Variants in TNFRSF8 observed in about 807,000 individuals in gnomAD.
TNFRSF8 encodes the protein tumor necrosis factor receptor superfamily member 8.
A neutral mutation model predicts 70.8 loss-of-function variants in TNFRSF8; 26 were observed. That is an observed-to-expected ratio of 0.37 (90% CI 0.27 to 0.51). The LOEUF is 0.51. TNFRSF8 is among the 20% of genes least tolerant of loss of function. The pLI is 0.94. For synonymous variants in TNFRSF8, 356 were observed against 339.2 expected (o/e 1.05, Z -0.54); for missense variants, 720 against 807.9 (o/e 0.89, Z 1.32).
At chr1:12,094,058 C>CGAAA (rs1641289422) in intron 2 of TNFRSF8, among the ~76,000 whole-genome samples, 1 of 84,680 alleles carries the variant, frequency 1.2e-5, no homozygotes, top group African/African-American at 4.8e-5. Context: ...GACTTTGTCT[C>CGAAA]AAAAAAAAAA....
intron 14 of TNFRSF8, among the ~76,000 whole-genome samples, chr1:12,139,625 G>A (rs150518329): frequency 9.8e-4 from 149 of 152,300 alleles, no homozygotes; most frequent in African/African-American, 3.2e-3. Flanking sequence ...CACCTCTGTC[G>A]CTTCTGGAAG....
At chr1:12,098,399 T>A (rs1447096140) in intron 3 of TNFRSF8, among the ~76,000 whole-genome samples, 1 of 152,130 alleles carries the variant, frequency 6.6e-6, no homozygotes, top group Non-Finnish European at 1.5e-5. Context: ...AAACAAACAT[T>A]GCCCTCCCCA....
intron 1 of TNFRSF8, among the ~76,000 whole-genome samples, chr1:12,082,653 C>T (rs569389719): frequency 6.6e-6 from 1 of 151,810 alleles, no homozygotes; most frequent in African/African-American, 2.4e-5. Flanking sequence ...ACCCCTACTT[C>T]ACACCATGTA....
chr1:12,065,119 T>C (rs1437418917), intron 1 of TNFRSF8, among the ~76,000 whole-genome samples: 4 of 145,664 alleles, frequency 2.7e-5, no homozygotes, highest in Non-Finnish European at 6.0e-5. Flanking sequence ...GTCTCACTCT[T>C]GTTGCCCATG....
chr1:12,124,829 CAAACA>C (rs201195847), intron 10 of TNFRSF8, among the ~76,000 whole-genome samples: 18,140 of 145,916 alleles, frequency 0.12, 1,205 homozygotes, highest in Middle Eastern at 0.21. Context: ...GAATCAGTCT[CAAACA>C]AAACAAAACA....
In TNFRSF8 at chr1:12,126,149, G is replaced by T. The variant is rs757885409; in HGVS notation, c.1256-34G>T. ...CTGCCTGCTCCTGCTCTCTGAGGCC[G>T]CCACCCCCAGCCTTCCTCCTGGTGT... On this transcript the variant is annotated intron_variant, in intron 11 of 14. Coordinates refer to ENST00000263932, the MANE Select transcript of TNFRSF8 (RefSeq NM_001243.5). The T allele has an allele frequency of 1.7e-5, 27 of 1,613,832 alleles. 1 individual carries two copies. The highest frequency in any genetic ancestry group is 2.0e-5 in the Non-Finnish European group (24 of 1,179,928).
intron 7 of TNFRSF8, among the ~76,000 whole-genome samples, chr1:12,114,645 A>G (rs1321386172): frequency 6.6e-6 from 1 of 151,816 alleles, no homozygotes; most frequent in African/African-American, 2.4e-5. Flanking sequence ...CACTTATTAA[A>G]AATAATACCT....
intron 1 of TNFRSF8, among the ~76,000 whole-genome samples, chr1:12,071,474 C>G (rs1293624830): frequency 6.6e-6 from 1 of 152,200 alleles, no homozygotes. Flanking sequence ...GGCAGCAGAG[C>G]TATTTTTCTT....
chr1:12,114,901 G>C (rs2101012580), intron 7 of TNFRSF8, among the ~76,000 whole-genome samples: 1 of 151,836 alleles, frequency 6.6e-6, no homozygotes, highest in Admixed American at 6.6e-5. Context: ...TAGAGACGGG[G>C]TTTCACCATG....
chr1:12,118,537 G>A (rs1163660865), intron 8 of TNFRSF8, among the ~76,000 whole-genome samples: 1 of 152,230 alleles, frequency 6.6e-6, no homozygotes, highest in East Asian at 1.9e-4. Context: ...ATAAATCCAG[G>A]AATAGAAGAG....
At chr1:12,111,807 A>G (rs1020191534) in intron 6 of TNFRSF8, 91 bp from the exon 7 acceptor site, 1 of 1,028,094 alleles carries the variant, frequency 9.7e-7, no homozygotes, top group Non-Finnish European at 1.5e-6. Context: ...GGAGCTGGCC[A>G]CGGTGAGGGA....
At chr1:12,125,661 C>G (rs924386268) in intron 10 of TNFRSF8, among the ~76,000 whole-genome samples, 1 of 152,216 alleles carries the variant, frequency 6.6e-6, no homozygotes, top group Non-Finnish European at 1.5e-5. Context: ...GTCCACAGTC[C>G]CCAAATTTTG....
At chr1:12,100,553 A>G (rs975086040) in intron 3 of TNFRSF8, among the ~76,000 whole-genome samples, 1 of 152,000 alleles carries the variant, frequency 6.6e-6, no homozygotes, top group African/African-American at 2.4e-5. Flanking sequence ...AAATTTTATT[A>G]TTTTATTATT....
intron 8 of TNFRSF8, among the ~76,000 whole-genome samples, chr1:12,115,934 A>AGATTCTGT (rs1641720980): frequency 6.6e-6 from 1 of 152,108 alleles, no homozygotes; most frequent in Admixed American, 6.5e-5. Flanking sequence ...TTTTGGCAAG[A>AGATTCTGT]GATTCTGTTG....
intron 12 of TNFRSF8, among the ~76,000 whole-genome samples, chr1:12,128,834 T>TC (rs1641993353): frequency 8.1e-5 from 1 of 12,310 alleles, no homozygotes; most frequent in South Asian, 1.4e-3. Context: ...TCTAAAATTC[T>TC]TTTTTTTTTT....
At chr1:12,135,485 A>G (rs1298998420) in intron 12 of TNFRSF8, 103 bp from the exon 13 acceptor site, 18 of 1,404,780 alleles carry the variant, frequency 1.3e-5, no homozygotes, top group African/African-American at 5.9e-5. Flanking sequence ...GGCTGAGTTC[A>G]GCACCACCTG....
Position 12,063,350 on chromosome 1 carries a change from T to A in TNFRSF8, c.-249T>A. The A allele has an allele frequency of 2.6e-6, 1 of 386,640 alleles. No individual in the cohort carries two copies. The highest frequency in any genetic ancestry group is 4.6e-6 in the Non-Finnish European group (1 of 218,780). The allele number at this position is 386,640 out of a possible 1,614,324, so 24.0% of individuals were successfully genotyped here. On this transcript the variant is annotated 5_prime_UTR_variant, in exon 1 of 15. Transcript: ENST00000263932. The surrounding 1 kb of genome is among the most constrained non-coding windows in gnomAD (Gnocchi z 7.2). Reference sequence around the variant, plus strand: ...TGCCCCCTTTTTTCTTCGCTGCTTGTAGCTAAGTGTTCCTGGAACCAATTT... The same window carrying A: ...TGCCCCCTTTTTTCTTCGCTGCTTGAAGCTAAGTGTTCCTGGAACCAATTT...
intron 11 of TNFRSF8, 48 bp downstream of exon 11, chr1:12,126,100 G>T (rs568008346): frequency 1.9e-6 from 3 of 1,611,910 alleles, no homozygotes; most frequent in East Asian, 4.5e-5. Flanking sequence ...GTTGCTCTCT[G>T]CCAGCCTGGC....
chr1:12,076,732 T>C lies in TNFRSF8; in HGVS notation c.64-7732T>C, dbSNP rs560684288. 4.6e-5 allele frequency among the ~76,000 whole-genome samples: 7 copies of C among 152,094 alleles called. 1 individual carries two copies. The highest frequency in any genetic ancestry group is 1.7e-4 in the African/African-American group (7 of 41,494). On this transcript the variant is annotated intron_variant, in intron 1 of 14. Transcript: ENST00000263932. ...CAGGGATGGAGCCTGTGGCCAGGGATGGGTGTGTTTAAAGAGGTGGAGGAG... is the reference window on the plus strand; with the variant it reads ...CAGGGATGGAGCCTGTGGCCAGGGACGGGTGTGTTTAAAGAGGTGGAGGAG...
Sources: gnomAD v4.1 joint callset for allele counts (sites outside exome capture counted in the v4.1 genomes callset) on GRCh38, gnomAD v4.1.1 for gene constraint, Gnocchi (gnomAD v3.1) non-coding constraint, MANE v1.5 for transcripts, NCBI Gene and HGNC (gene_info 2026-07-23, HGNC 2026-07-21) for gene names.